Variants in PCBP3 observed in about 807,000 individuals in gnomAD.
PCBP3 encodes the protein poly(rC) binding protein 3, also known as poly(rC)-binding protein 3.
A neutral mutation model predicts 52.7 loss-of-function variants in PCBP3; 25 were observed. The observed-to-expected ratio is 0.47, with a 90% CI of 0.35 to 0.66. The LOEUF (loss-of-function observed/expected upper bound fraction) is 0.66. Ranked by LOEUF, PCBP3 falls within the 30% of genes least tolerant of loss-of-function variation. PCBP3 has a pLI of 0.01. For missense variants in PCBP3, 391 were observed against 490.3 expected, an observed-to-expected ratio of 0.80 and a Z score of 1.91; for synonymous variants, 162 against 183.0, an observed-to-expected ratio of 0.89 and a Z score of 0.93.
chr21:45,877,840 T>TG (rs1339795920), intron 5 of PCBP3, among the ~76,000 whole-genome samples: 1 of 151,326 alleles, frequency 6.6e-6, no homozygotes. Context: ...TCAAATGGAG[T>TG]GGGGGTACAC....
chr21:45,899,383 G>A (rs369495860), intron 6 of PCBP3, among the ~76,000 whole-genome samples: 163 of 152,254 alleles, frequency 1.1e-3, no homozygotes, highest in African/African-American at 3.5e-3. Flanking sequence ...GGGCGCCAAG[G>A]AAGACCCGGC....
chr21:45,895,655 G>A (rs182535427), intron 5 of PCBP3, among the ~76,000 whole-genome samples: 157 of 152,380 alleles, frequency 1.0e-3, no homozygotes, highest in African/African-American at 3.3e-3. Flanking sequence ...GGCACTTGCC[G>A]AGAACTGCCA....
intron 4 of PCBP3, among the ~76,000 whole-genome samples, chr21:45,834,128 C>T (rs574903317): frequency 1.2e-4 from 19 of 152,076 alleles, no homozygotes; most frequent in Non-Finnish European, 1.8e-4. Context: ...CACCGATTCA[C>T]GAGTCCACGG....
At chr21:45,912,950 G>A (rs1378975086) in intron 11 of PCBP3, among the ~76,000 whole-genome samples, 1 of 152,188 alleles carries the variant, frequency 6.6e-6, no homozygotes, top group African/African-American at 2.4e-5. Flanking sequence ...TTGAGTGTGA[G>A]TGGCGCTCCC....
Position 45,812,993 on chromosome 21 carries a change from G to T in PCBP3, c.-125-36968G>T, listed in dbSNP as rs186868610. Among the ~76,000 whole-genome samples the T allele has an allele frequency of 1.9e-3, 292 of 152,212 alleles. 1 individual carries two copies. Among genetic ancestry groups the T allele is most frequent in the Non-Finnish European group, 3.4e-3 (234 of 67,992 alleles). ...TCAGCAGTTTGACTAGAATGTGTGT[G>T]TATATGGTTTTCTTCTCTTCTGTTT... On this transcript the variant is annotated intron_variant, in intron 4 of 17. Transcript: ENST00000681687.
intron 4 of PCBP3, among the ~76,000 whole-genome samples, chr21:45,769,160 G>GCATT (rs1031727265): frequency 2.0e-5 from 3 of 152,212 alleles, no homozygotes; most frequent in Non-Finnish European, 4.4e-5. Context: ...CATTCACTGG[G>GCATT]CATTGGCTAA....
chr21:45,832,146 C>G (rs973576920), intron 4 of PCBP3, among the ~76,000 whole-genome samples: 6 of 152,166 alleles, frequency 3.9e-5, no homozygotes, highest in Non-Finnish European at 8.8e-5. Context: ...CATGAGTGTT[C>G]TGGGAAAGGC....
At chr21:45,770,180 C>G (rs562157377) in intron 4 of PCBP3, among the ~76,000 whole-genome samples, 56 of 152,194 alleles carry the variant, frequency 3.7e-4, no homozygotes, top group Non-Finnish European at 5.9e-5. Flanking sequence ...CCTCCTCTCC[C>G]CTGAAGTCAA....
At chr21:45,661,471 G>C (rs1400135993) in intron 1 of PCBP3, among the ~76,000 whole-genome samples, 2 of 152,102 alleles carry the variant, frequency 1.3e-5, no homozygotes, top group Non-Finnish European at 2.9e-5. Context: ...CCATGTTGCT[G>C]CAAAGGACAT....
rs1235506906 is a variant in PCBP3 at position 45,829,810 on chromosome 21, G to A, written c.-125-20151G>A. The A allele has an allele frequency of 1.3e-5, 2 of 152,524 alleles. No individual in the cohort carries two copies. Among genetic ancestry groups the A allele is most frequent in the African/African-American group, 2.4e-5 (1 of 41,458 alleles). The allele number at this position is 152,524 out of a possible 1,614,324, so 9.4% of individuals were successfully genotyped here. ...TCATACATTTGTCCCACTTGAAGCG[G>A]GGAGGCCTGGTTCCCCTGACATTCT... On this transcript the variant is annotated intron_variant, in intron 4 of 17. Transcript: ENST00000681687. This position sits in a 1 kb window ranked among gnomAD's most constrained non-coding sequence, Gnocchi z 5.2.
intron 2 of PCBP3, among the ~76,000 whole-genome samples, chr21:45,708,565 A>G (rs1335777884): frequency 2.0e-5 from 3 of 152,254 alleles, no homozygotes; most frequent in Non-Finnish European, 4.4e-5. Context: ...TGTAAAACAT[A>G]GCTTCATATA....
intron 5 of PCBP3, among the ~76,000 whole-genome samples, chr21:45,888,956 C>T (rs1258710533): frequency 1.3e-5 from 2 of 152,252 alleles, no homozygotes; most frequent in African/African-American, 2.4e-5. Context: ...AGTATCTATA[C>T]ATGGAATTAT....
intron 15 of PCBP3, among the ~76,000 whole-genome samples, chr21:45,932,278 C>T (rs1014632075): frequency 2.7e-5 from 4 of 146,036 alleles, no homozygotes; most frequent in Admixed American, 6.8e-5. Flanking sequence ...TGGTCCATGC[C>T]GTCATGAGAT....
At chr21:45,692,853 C>T (rs569394478) in intron 2 of PCBP3, among the ~76,000 whole-genome samples, 8 of 152,148 alleles carry the variant, frequency 5.3e-5, no homozygotes, top group Non-Finnish European at 1.2e-4. Context: ...TAATATTCCT[C>T]ATGTAACTAG....
At chr21:45,770,659 C>T (rs1302491847) in intron 4 of PCBP3, among the ~76,000 whole-genome samples, 9 of 152,196 alleles carry the variant, frequency 5.9e-5, no homozygotes, top group Admixed American at 3.3e-4. Flanking sequence ...TAAGGTTATT[C>T]GGACCCTGAG....
At chr21:45,923,337 G>C (rs1320368343) in intron 13 of PCBP3, among the ~76,000 whole-genome samples, 6 of 152,222 alleles carry the variant, frequency 3.9e-5, no homozygotes, top group African/African-American at 1.4e-4. Flanking sequence ...CCTTGCAGCT[G>C]CAAGTGGTGC....
chr21:45,784,671 C>G (rs887125497), intron 4 of PCBP3, among the ~76,000 whole-genome samples: 1 of 152,272 alleles, frequency 6.6e-6, no homozygotes, highest in African/African-American at 2.4e-5. Flanking sequence ...CTGTGTTGGC[C>G]AGGCTGGTCT....
At chr21:45,814,761 T>C (rs2092808476) in intron 4 of PCBP3, among the ~76,000 whole-genome samples, 1 of 135,142 alleles carries the variant, frequency 7.4e-6, no homozygotes, top group African/African-American at 2.9e-5. Context: ...GAGTGAGTGG[T>C]GAGTGGTGAG....
At chr21:45,691,335 G>A (rs1037731014) in intron 2 of PCBP3, among the ~76,000 whole-genome samples, 1 of 149,522 alleles carries the variant, frequency 6.7e-6, no homozygotes, top group Non-Finnish European at 1.5e-5. Flanking sequence ...ATGAAAAGGG[G>A]TACCAGAGCC....
Sources: allele counts gnomAD v4.1 joint callset (sites outside exome capture counted in the v4.1 genomes callset), GRCh38; gene constraint gnomAD v4.1.1; non-coding constraint Gnocchi (gnomAD v3.1); transcripts MANE v1.5; gene names NCBI Gene and HGNC (gene_info 2026-07-23, HGNC 2026-07-21).